The following NHSL2 variants were observed in gnomAD, a reference collection of about 807,000 sequenced individuals.
NHSL2 encodes NHS-like protein 2.
NHSL2 carries 27 observed loss-of-function variants against 53.4 expected under a neutral mutation model. The observed-to-expected ratio is 0.51, with a 90% CI of 0.37 to 0.70. NHSL2 has a LOEUF of 0.70. Among genes scored for constraint, NHSL2 ranks in the 30% least tolerant of loss-of-function variants. The pLI, the probability that NHSL2 is intolerant of heterozygous loss-of-function variation, is 0.00. For missense variants in NHSL2, 892 were observed against 980.1 expected (o/e 0.91, Z 1.20); for synonymous variants, 408 against 404.1 (o/e 1.01, Z -0.12).
At chrX:72,083,858 T>C (rs1292899009) in intron 1 of NHSL2, among the ~76,000 whole-genome samples, 1 of 112,065 alleles carries the variant, frequency 8.9e-6, no homozygotes, top group Non-Finnish European at 1.9e-5. Flanking sequence ...ACCAAGTTCC[T>C]AAGGCCTAGA....
intron 1 of NHSL2, among the ~76,000 whole-genome samples, chrX:71,996,273 G>A (rs1346696690): frequency 5.3e-5 from 6 of 112,527 alleles, no homozygotes; most frequent in East Asian, 2.8e-4. Flanking sequence ...CTTTCAAAGC[G>A]CCATCTTATC....
chrX:72,138,607 C>T lies in NHSL2; in HGVS notation c.1059C>T (p.Asp353=), dbSNP rs1487569923. 6.0e-6 allele frequency: 7 copies of T among 1,167,376 alleles called. No individual in the cohort carries two copies. Among genetic ancestry groups the T allele is most frequent in the South Asian group, 3.8e-5 (2 of 52,687 alleles). ...TGAGAACTCCTTCCAGTGAGCCGGA[C>T]GAACCTCACCAGGCACGGAGTGGCC... ...PVLRTPSSEP[D]EPHQARSGPN... Residue 353 remains aspartate, a synonymous_variant, in exon 6 of 8, where the codon GAC becomes GAT. Transcript: ENST00000633930.
At chrX:72,129,065 G>A (rs1333065749) in intron 1 of NHSL2, 2 of 113,110 alleles carry the variant, frequency 1.8e-5, no homozygotes, top group Admixed American at 9.3e-5. Context: ...AATGTGGTGA[G>A]AGGAAAGGGC....
chrX:72,083,822 A>C (rs984121757), intron 1 of NHSL2, among the ~76,000 whole-genome samples: 1 of 112,182 alleles, frequency 8.9e-6, no homozygotes, highest in Non-Finnish European at 1.9e-5. Context: ...GGAATGTGGC[A>C]TTCACTCAGC....
chrX:72,057,997 A>C (rs1335074830), intron 1 of NHSL2, among the ~76,000 whole-genome samples: 6 of 112,510 alleles, frequency 5.3e-5, no homozygotes, highest in Non-Finnish European at 1.1e-4. Context: ...CTGTGTGATG[A>C]AACAGGAAGA....
chrX:71,955,795 C>CT (rs778081452), intron 1 of NHSL2, among the ~76,000 whole-genome samples: 2,434 of 100,022 alleles, frequency 0.024, 30 homozygotes, highest in Non-Finnish European at 0.036. Context: ...CTTAAATTGA[C>CT]TTTTTTTTTT....
rs886377465 is a variant in NHSL2, at chrX:72,146,750, A to C, written c.*3176A>C. ...TGAGGGTAGTTATTCTTGGTACAAT[A>C]GCAAGCTTTGCTGGTGTCTCCTCTC... On this transcript the variant is annotated 3_prime_UTR_variant, in exon 8 of 8. Coordinates refer to ENST00000633930, the MANE Select transcript of NHSL2 (RefSeq NM_001013627.3). 9.0e-6 allele frequency: 1 copy of C among 111,048 alleles called. No individual in the cohort carries two copies. Among genetic ancestry groups the C allele is most frequent in the Non-Finnish European group, 1.9e-5 (1 of 52,990 alleles). The allele number at this position is 111,048 out of a possible 1,213,427, so 9.2% of individuals were successfully genotyped here. A position where few individuals can be genotyped will look rare whatever the true frequency, so the allele number is the denominator to read the frequency against.
chrX:72,057,352 A>C (rs2042375279), intron 1 of NHSL2, among the ~76,000 whole-genome samples: 1 of 112,060 alleles, frequency 8.9e-6, no homozygotes, highest in African/African-American at 3.2e-5. Context: ...TGAAAATTAC[A>C]TAGTGTTTTC....
intron 1 of NHSL2, among the ~76,000 whole-genome samples, chrX:71,951,285 G>C (rs1206179093): frequency 8.9e-6 from 1 of 111,931 alleles, no homozygotes; most frequent in Non-Finnish European, 1.9e-5. Flanking sequence ...TTCTCCCTAA[G>C]ATTTTAGACA....
rs1274092149 is a variant in NHSL2, at chrX:72,058,633, G to A, written c.281-73446G>A. Among the ~76,000 whole-genome samples, 3 of 112,371 alleles carry A rather than the reference G, an allele frequency of 2.7e-5. No homozygotes were observed. In the East Asian group the frequency reaches 8.4e-4, roughly 31 times the overall value. On this transcript the variant is annotated intron_variant, in intron 1 of 7. Transcript: ENST00000633930. ...GCTGGGATTATAGGCGTGAGCCACC[G>A]TGCCCGGCCAGCTTCCCAGTTCTTA...
chrX:72,030,814 G>A (rs2042211153), intron 1 of NHSL2, among the ~76,000 whole-genome samples: 1 of 111,881 alleles, frequency 8.9e-6, no homozygotes, highest in African/African-American at 3.3e-5. Context: ...AATTGGCTCT[G>A]GTGAGCCAAG....
At chrX:72,102,065 C>G (rs1381616815) in intron 1 of NHSL2, among the ~76,000 whole-genome samples, 1 of 112,570 alleles carries the variant, frequency 8.9e-6, no homozygotes, top group Non-Finnish European at 1.9e-5. Flanking sequence ...GCACCTAGTG[C>G]AGAGCCTGTC....
chrX:71,989,947 G>A lies in NHSL2; in HGVS notation c.280+78580G>A, dbSNP rs188192060. 2.8e-3 allele frequency among the ~76,000 whole-genome samples: 317 copies of A among 112,547 alleles called. 1 individual carries two copies. The highest frequency in any genetic ancestry group is 9.8e-3 in the African/African-American group (303 of 31,020). ...GAGGTGACATGGGAATCATTTTACC[G>A]CATCACCAGGGCTCCGCCTGCCAGC... On this transcript the variant is annotated intron_variant, in intron 1 of 7. Transcript: ENST00000633930.
At chrX:72,025,445 A>G (rs929718708) in intron 1 of NHSL2, among the ~76,000 whole-genome samples, 3 of 111,768 alleles carry the variant, frequency 2.7e-5, no homozygotes, top group Admixed American at 9.5e-5. Context: ...CAACTCCAGG[A>G]ACTCGGTGTG....
At chrX:71,963,683 G>A (rs909926054) in intron 1 of NHSL2, among the ~76,000 whole-genome samples, 5 of 109,433 alleles carry the variant, frequency 4.6e-5, no homozygotes, top group African/African-American at 1.7e-4. Context: ...CAGCACTTTG[G>A]GAGGCCGAGG....
At chrX:72,125,085 C>T (rs1313412467) in intron 1 of NHSL2, among the ~76,000 whole-genome samples, 5 of 90,178 alleles carry the variant, frequency 5.5e-5, no homozygotes, top group Non-Finnish European at 4.9e-5. Context: ...TGATTCTGAC[C>T]GATCTCCTGT....
intron 1 of NHSL2, among the ~76,000 whole-genome samples, chrX:71,916,702 G>C (rs1393762152): frequency 8.9e-6 from 1 of 111,841 alleles, no homozygotes; most frequent in African/African-American, 3.3e-5. Context: ...CCGGTTTGGC[G>C]TCCAAAGATG....
intron 1 of NHSL2, among the ~76,000 whole-genome samples, chrX:72,066,768 A>G (rs1375346708): frequency 1.8e-5 from 2 of 111,719 alleles, no homozygotes; most frequent in Non-Finnish European, 3.8e-5. Flanking sequence ...GTATCTGTGG[A>G]GTAGATTAAA....
intron 5 of NHSL2, among the ~76,000 whole-genome samples, 176 bp from the exon 6 acceptor site, chrX:72,138,265 G>A (rs1016598308): frequency 3.6e-5 from 4 of 112,370 alleles, no homozygotes; most frequent in Non-Finnish European, 5.6e-5. Context: ...TCACTGTGGG[G>A]TGATGGGCAA....
Sources: allele counts gnomAD v4.1 joint callset (sites outside exome capture counted in the v4.1 genomes callset), GRCh38; gene constraint gnomAD v4.1.1; transcripts MANE v1.5; gene names NCBI Gene and HGNC (gene_info 2026-07-23, HGNC 2026-07-21).